The following ATG2A variants were observed in gnomAD, a reference collection of about 807,000 sequenced individuals.
ATG2A encodes autophagy related 2A, also known as autophagy-related protein 2 homolog A.
A neutral mutation model predicts 214.2 loss-of-function variants in ATG2A; 103 were observed. That is an observed-to-expected ratio of 0.48 (90% CI 0.41 to 0.57). The LOEUF (loss-of-function observed/expected upper bound fraction) is 0.57. ATG2A is among the 20% of genes least tolerant of loss of function. The probability of loss-of-function intolerance (pLI) is 0.00; values close to 1 mark genes in which losing one functional copy is unlikely to be tolerated. For missense variants in ATG2A, 2,312 were observed against 2,613.2 expected, an observed-to-expected ratio of 0.88 and a Z score of 2.51; for synonymous variants, 1,160 against 1,142.1, an observed-to-expected ratio of 1.02 and a Z score of -0.32.
At position 64,913,146 on chromosome 11, in the gene ATG2A, G is replaced by T; in HGVS notation, c.727-10C>A. 1 of 1,586,622 alleles carries T rather than the reference G, an allele frequency of 6.3e-7. No individual in the cohort carries two copies. The highest frequency in any genetic ancestry group is 2.3e-5 in the East Asian group (1 of 44,024). On this transcript the variant is annotated splice_polypyrimidine_tract_variant and intron_variant, in intron 5 of 40. Coordinates refer to ENST00000377264, the MANE Select transcript of ATG2A (RefSeq NM_015104.3). This position sits in a 1 kb window ranked among gnomAD's most constrained non-coding sequence, Gnocchi z 4.3. ...GCTCTGGAGGCTCTTCCTGGGAGAC[G>T]GGAGGATACAAGAGGGAAAGGTTGA...
chr11:64,905,088 T>G (rs1453127540), intron 24 of ATG2A, among the ~76,000 whole-genome samples: 1 of 152,066 alleles, frequency 6.6e-6, no homozygotes, highest in Non-Finnish European at 1.5e-5. Context: ...ACTCCTGACC[T>G]TGTGATCTGC....
rs1163859359 is a variant in ATG2A at position 64,898,900 on chromosome 11, C to T, written c.4465-58G>A. 1 of 1,522,494 alleles carries T rather than the reference C, an allele frequency of 6.6e-7. No individual in the cohort carries two copies. The highest frequency in any genetic ancestry group is 1.4e-5 in the African/African-American group (1 of 73,260). 94.3% of individuals were successfully genotyped at this position (1,522,494 alleles called of 1,614,324 possible). A position where few individuals can be genotyped will look rare whatever the true frequency, so the allele number is the denominator to read the frequency against. On this transcript the variant is annotated intron_variant, in intron 31 of 40. Coordinates refer to ENST00000377264, the MANE Select transcript of ATG2A (RefSeq NM_015104.3). The surrounding 1 kb of genome is among the most constrained non-coding windows in gnomAD (Gnocchi z 4.5). ...CAGGGCCCCAAGAGGGAGGGAAGGG[C>T]TGGCCCCAGACCCCTTCTCTATTCT...
intron 37 of ATG2A, 134 bp from the exon 38 acceptor site, chr11:64,897,003 C>A: frequency 9.1e-6 from 11 of 1,214,992 alleles, no homozygotes; most frequent in Non-Finnish European, 1.2e-5. Context: ...CCCACCCAGT[C>A]ATGTGCAGAG....
rs558939670 is a variant in ATG2A, at chr11:64,906,330, A to G, written c.3183+4T>C. ...GGAGGGGTGGATGGTAGGCAAGCCC[A>G]TACCTTCACATTCTTGTGGGGGTCC... is the stretch of plus-strand genomic sequence containing the variant. On this transcript the variant is annotated splice_donor_region_variant and intron_variant, in intron 21 of 40. Coordinates refer to ENST00000377264, the MANE Select transcript of ATG2A (RefSeq NM_015104.3). 1.1e-4 allele frequency: 181 copies of G among 1,612,916 alleles called. 3 individuals are homozygous for G. In the South Asian group the frequency reaches 1.9e-3, roughly 17 times the overall value.
chr11:64,898,291 C>A lies in ATG2A; in HGVS notation c.4743G>T (p.Ser1581=). ...LGGPECCLRV[S]LMPLRLNVDQ... is the part of the protein sequence containing the mutation. ...CCACATTGAGCCGCAGGGGCATCAG[C>A]GAGACGCGGAGACAGCACTCAGGCC... Residue 1581 remains serine (S), a synonymous_variant, in exon 33 of 41, where the codon TCG becomes TCT. Coordinates refer to ENST00000377264, the MANE Select transcript of ATG2A (RefSeq NM_015104.3). This position sits in a 1 kb window ranked among gnomAD's most constrained non-coding sequence, Gnocchi z 4.5. 6.2e-7 allele frequency: 1 copy of A among 1,613,472 alleles called. No homozygotes were observed. The highest frequency in any genetic ancestry group is 8.5e-7 in the Non-Finnish European group (1 of 1,179,762).
Position 64,907,452 on chromosome 11 carries a change from C to G in ATG2A, c.2648-13G>C. The G allele has an allele frequency of 1.9e-6, 3 of 1,603,786 alleles. No homozygotes were observed. Among genetic ancestry groups the G allele is most frequent in the Non-Finnish European group, 2.6e-6 (3 of 1,175,272 alleles). ...TCAAAGCAGTTGGCTGGGAAGGAGA[C>G]CGCGAAGGGCTAGCCTGGCCCTTCC... On this transcript the variant is annotated splice_polypyrimidine_tract_variant and intron_variant, in intron 18 of 40. Transcript: ENST00000377264.
intron 1 of ATG2A, among the ~76,000 whole-genome samples, chr11:64,914,930 T>A (rs1436956334): frequency 1.3e-5 from 2 of 149,746 alleles, no homozygotes. Flanking sequence ...GGAAGACGCC[T>A]AACCCAGCCT....
intron 19 of ATG2A, 70 bp from the exon 20 acceptor site, chr11:64,906,885 C>A: frequency 6.5e-7 from 1 of 1,530,432 alleles, no homozygotes; most frequent in Non-Finnish European, 8.8e-7. Flanking sequence ...TGGGGGTTGG[C>A]GGCTCCTGGA....
At chr11:64,896,412 G>A in intron 39 of ATG2A, 50 bp downstream of exon 39, 2 of 1,555,374 alleles carry the variant, frequency 1.3e-6, no homozygotes, top group Non-Finnish European at 1.7e-6. Context: ...TGGTGCAGAG[G>A]GCTCCAGCTG....
Position 64,901,002 on chromosome 11 carries a change from C to T in ATG2A, c.4210G>A (p.Asp1404Asn), listed in dbSNP as rs778968317. 1.3e-6 allele frequency: 2 copies of T among 1,589,970 alleles called. No homozygotes were observed. The highest frequency in any genetic ancestry group is 3.5e-5 in the Admixed American group (2 of 57,236). The change falls in exon 30 of 41, where the codon GAC becomes AAC. Residue 1404 changes from aspartate to asparagine, a missense_variant. Physicochemically the swap from Asp to Asn is conservative, Grantham distance 23 (BLOSUM62 1). Transcript: ENST00000377264. ...GYFSRPIGST[D>N]LLRAPAHFPV... ...AAATGGGCAGGTGCCCGCAGCAAGT[C>T]CGTGCTGCCGATCGGCCGTGAGAAG... is the stretch of plus-strand genomic sequence containing the variant.
At position 64,897,857 on chromosome 11, in the gene ATG2A, T is replaced by C; in HGVS notation, c.4976A>G (p.Gln1659Arg). 2 of 1,601,748 alleles carry C rather than the reference T, an allele frequency of 1.2e-6. No individual in the cohort carries two copies. Among genetic ancestry groups the C allele is most frequent in the Non-Finnish European group, 1.7e-6 (2 of 1,172,728 alleles). The change falls in exon 35 of 41, where the codon CAG becomes CGG. Residue 1659 changes from glutamine to arginine, a missense_variant. Gln to Arg is a conservative substitution (Grantham distance 43). Coordinates refer to ENST00000377264, the MANE Select transcript of ATG2A (RefSeq NM_015104.3). Reference sequence around the variant, plus strand: ...AGCCTACCTGAAGTAGATGGGCTGCTGGTCAGGAGGGGAGGGGCTGTGTCC... The same window carrying C: ...AGCCTACCTGAAGTAGATGGGCTGCCGGTCAGGAGGGGAGGGGCTGTGTCC... ...GGGHSPSPPD[Q>R]QPIYFREFRF...
In ATG2A at chr11:64,898,579, T is replaced by C. The variant is rs375781359; in HGVS notation, c.4671+57A>G. ...GTGTGAATCCATGCATGCGTGAAGA[T>C]GTATCCCCAACGGTCTGGTGCCCTG... On this transcript the variant is annotated intron_variant, in intron 32 of 40. Coordinates refer to ENST00000377264, the MANE Select transcript of ATG2A (RefSeq NM_015104.3). The surrounding 1 kb of genome is among the most constrained non-coding windows in gnomAD (Gnocchi z 4.5). The C allele has an allele frequency of 7.2e-5, 114 of 1,577,388 alleles. No individual in the cohort carries two copies. The African/African-American group carries it at 1.3e-3, about 19-fold the overall frequency.
Position 64,900,646 on chromosome 11 carries a change from G to A in ATG2A, c.4329-17C>T. 2 of 1,581,394 alleles carry A rather than the reference G, an allele frequency of 1.3e-6. No homozygotes were observed. Among genetic ancestry groups the A allele is most frequent in the Non-Finnish European group, 1.7e-6 (2 of 1,164,048 alleles). On this transcript the variant is annotated splice_polypyrimidine_tract_variant and intron_variant, in intron 30 of 40. Coordinates refer to ENST00000377264, the MANE Select transcript of ATG2A (RefSeq NM_015104.3). Reference sequence around the variant, plus strand: ...GTTCTTGCCCTGGGAAGAGGGACAGGGGCCAAGCTGACTCAGAGGAACCCC... The same window carrying A: ...GTTCTTGCCCTGGGAAGAGGGACAGAGGCCAAGCTGACTCAGAGGAACCCC...
At chr11:64,900,805 T>C in intron 30 of ATG2A, 79 bp downstream of exon 30, 1 of 1,479,170 alleles carries the variant, frequency 6.8e-7, no homozygotes, top group Non-Finnish European at 9.0e-7. Context: ...GCTCAAGGTC[T>C]CCAGCTGCTG....
chr11:64,895,304 C>T lies in ATG2A; in HGVS notation c.5566G>A (p.Asp1856Asn), dbSNP rs373838276. The T allele has an allele frequency of 5.0e-6, 8 of 1,613,412 alleles. No homozygotes were observed. In the East Asian group the frequency reaches 6.7e-5, roughly 13 times the overall value. Reference sequence around the variant, plus strand: ...GGCCTGGTCACCTCTCGCACTGTGTCGTAGGCCTTGGCCACACCCTCCCGC... The same window carrying T: ...GGCCTGGTCACCTCTCGCACTGTGTTGTAGGCCTTGGCCACACCCTCCCGC... ...DLREGVAKAY[D>N]TVREGILDTA... Residue 1856 changes from aspartate (D) to asparagine (N), a missense_variant, in exon 40 of 41, where the codon GAC becomes AAC. Asp to Asn is a conservative substitution (Grantham distance 23, BLOSUM62 1). Transcript: ENST00000377264. The surrounding 1 kb of genome is among the most constrained non-coding windows in gnomAD (Gnocchi z 5.0).
Position 64,917,094 on chromosome 11 carries a change from C to T in ATG2A, c.42G>A (p.Glu14=). 1 of 1,613,214 alleles carries T rather than the reference C, an allele frequency of 6.2e-7. No homozygotes were observed. Among genetic ancestry groups the T allele is most frequent in the Non-Finnish European group, 8.5e-7 (1 of 1,179,932 alleles). ...WLWPWSNCVK[E]RVCRYLLHHY... is the part of the protein sequence containing the mutation. ...GGTGCAGCAAGTAGCGGCAGACCCGCTCTTTCACACAGTTTGACCATGGCC... is the reference window on the plus strand; with the variant it reads ...GGTGCAGCAAGTAGCGGCAGACCCGTTCTTTCACACAGTTTGACCATGGCC... Residue 14 remains glutamate (E), a synonymous_variant, in exon 1 of 41, where the codon GAG becomes GAA. Coordinates refer to ENST00000377264, the MANE Select transcript of ATG2A (RefSeq NM_015104.3).
At chr11:64,911,810 C>T (rs1304792903) in intron 9 of ATG2A, 32 bp downstream of exon 9, 3 of 1,611,212 alleles carry the variant, frequency 1.9e-6, no homozygotes, top group Admixed American at 1.7e-5. Flanking sequence ...TCCTTCCTGT[C>T]CCTGGAGTAC....
rs370194802 is a variant in ATG2A at position 64,913,917 on chromosome 11, C to T, written c.494G>A (p.Arg165Gln). ...MFAQTIETVLRRIKVTFLDTV... is the reference protein window; with the variant it reads ...MFAQTIETVLQRIKVTFLDTV... ...GTCCAGGAAGGTCACTTTGATCCTC[C>T]GAAGCACTGAGGAGTTGGGGAGGGG... The change falls in exon 4 of 41, where the codon CGG (arginine) becomes CAG (glutamine). Residue 165 changes from arginine (R) to glutamine (Q), a missense_variant. Coordinates refer to ENST00000377264, the MANE Select transcript of ATG2A (RefSeq NM_015104.3). This position sits in a 1 kb window ranked among gnomAD's most constrained non-coding sequence, Gnocchi z 4.3. The T allele has an allele frequency of 9.3e-6, 15 of 1,613,740 alleles. No homozygotes were observed. Among genetic ancestry groups the T allele is most frequent in the African/African-American group, 1.3e-5 (1 of 74,910 alleles).
Position 64,895,214 on chromosome 11 carries a change from G to C in ATG2A, c.5581-5C>G. The C allele has an allele frequency of 6.2e-7, 1 of 1,613,024 alleles. No homozygotes were observed. Among genetic ancestry groups the C allele is most frequent in the Non-Finnish European group, 8.5e-7 (1 of 1,179,692 alleles). ...CTGAGCTGTATCCAAGATGCCCTGT[G>C]GAAGCCAGAGGTCAGGGCGGGGTCT... is the stretch of plus-strand genomic sequence containing the variant. On this transcript the variant is annotated splice_polypyrimidine_tract_variant and splice_region_variant and intron_variant, in intron 40 of 40. Coordinates refer to ENST00000377264, the MANE Select transcript of ATG2A (RefSeq NM_015104.3). This position sits in a 1 kb window ranked among gnomAD's most constrained non-coding sequence, Gnocchi z 5.0.
Sources: allele counts gnomAD v4.1 joint callset (sites outside exome capture counted in the v4.1 genomes callset), GRCh38; gene constraint gnomAD v4.1.1; non-coding constraint Gnocchi (gnomAD v3.1); transcripts MANE v1.5; gene names NCBI Gene and HGNC (gene_info 2026-07-23, HGNC 2026-07-21).